PDE8B: variants seen among roughly 807,000 people sequenced by gnomAD.
PDE8B encodes the protein high affinity cAMP-specific and IBMX-insensitive 3',5'-cyclic phosphodiesterase 8B.
In PDE8B, 26 loss-of-function variants were observed where a neutral mutation model predicts 101.3. The ratio of observed to expected loss-of-function variants is 0.26; its 90% confidence interval spans 0.19 to 0.36. The LOEUF is 0.36. Among genes scored for constraint, PDE8B ranks in the 10% least tolerant of loss-of-function variants. The pLI, the probability that PDE8B is intolerant of heterozygous loss-of-function variation, is 1.00. For synonymous variants in PDE8B, 424 were observed against 429.3 expected (o/e 0.99, Z 0.15); for missense variants, 810 against 1,163.1 (o/e 0.70, Z 4.42).
chr5:77,421,382 G>T (rs1026342701), intron 19 of PDE8B, among the ~76,000 whole-genome samples: 1 of 152,156 alleles, frequency 6.6e-6, no homozygotes, highest in Non-Finnish European at 1.5e-5. Context: ...AGGGTTACAT[G>T]TATGTGCCAC....
chr5:77,097,464 T>A, the PDE8B span, among the ~76,000 whole-genome samples: 1 of 151,520 alleles, frequency 6.6e-6, no homozygotes, highest in Non-Finnish European at 1.5e-5. Context: ...AGACACAATA[T>A]GGATTGAAGT....
At chr5:77,119,055 A>G in the PDE8B span, 1 of 152,252 alleles carries the variant, frequency 6.6e-6, no homozygotes, top group Non-Finnish European at 1.5e-5. Flanking sequence ...CAACAGAGGA[A>G]GGACCAACAA....
intron 10 of PDE8B, among the ~76,000 whole-genome samples, chr5:77,370,749 GT>G (rs1262054671): frequency 6.6e-6 from 1 of 152,192 alleles, no homozygotes; most frequent in Non-Finnish European, 1.5e-5. Context: ...TCCCAAAGTA[GT>G]TTTTAGCATT....
At chr5:77,219,365 TGA>T (rs1375919580) in intron 1 of PDE8B, among the ~76,000 whole-genome samples, 1 of 152,234 alleles carries the variant, frequency 6.6e-6, no homozygotes, top group South Asian at 2.1e-4. Flanking sequence ...GTTGCCTGTG[TGA>T]GTCATAAAAC....
chr5:77,318,926 A>G (rs1313991978), intron 2 of PDE8B, among the ~76,000 whole-genome samples: 3 of 152,246 alleles, frequency 2.0e-5, no homozygotes, highest in Admixed American at 6.5e-5. Flanking sequence ...CGCTAGTAAT[A>G]ATGAACACCT....
the PDE8B span, among the ~76,000 whole-genome samples, chr5:77,124,859 G>T: frequency 6.6e-6 from 1 of 152,170 alleles, no homozygotes; most frequent in Admixed American, 6.5e-5. Context: ...CAGTGAGCTG[G>T]AGAACAATAT....
chr5:77,380,637 T>G (rs1191567830), intron 10 of PDE8B, among the ~76,000 whole-genome samples: 2 of 152,256 alleles, frequency 1.3e-5, no homozygotes, highest in Admixed American at 6.5e-5. Flanking sequence ...CAATCTCTTA[T>G]GGATTCATTT....
chr5:77,373,926 T>C (rs1785563245), intron 10 of PDE8B, among the ~76,000 whole-genome samples: 2 of 152,224 alleles, frequency 1.3e-5, no homozygotes, highest in Admixed American at 6.5e-5. Flanking sequence ...CTCAGCTCAC[T>C]GCAACCTCTG....
chr5:77,290,148 A>G, intron 1 of PDE8B: 4 of 1,308,344 alleles, frequency 3.1e-6, no homozygotes, highest in East Asian at 2.5e-5. Context: ...CGTGTGGAAA[A>G]TGAATTCCAA....
intron 1 of PDE8B, among the ~76,000 whole-genome samples, chr5:77,292,500 A>G (rs1328281963): frequency 6.6e-6 from 1 of 152,234 alleles, no homozygotes; most frequent in Non-Finnish European, 1.5e-5. Context: ...CTAGCAGGGT[A>G]TGAAACTACT....
chr5:77,293,499 A>C (rs1767844312), intron 1 of PDE8B, among the ~76,000 whole-genome samples: 1 of 152,278 alleles, frequency 6.6e-6, no homozygotes, highest in South Asian at 2.1e-4. Context: ...TATTTCAGTC[A>C]TATTTTCTGA....
intron 16 of PDE8B, among the ~76,000 whole-genome samples, chr5:77,412,793 G>A (rs1031077357): frequency 6.6e-6 from 1 of 152,060 alleles, no homozygotes; most frequent in Non-Finnish European, 1.5e-5. Flanking sequence ...TAAATAAAGT[G>A]CAAGGTTAAT....
chr5:77,176,689 G>T, the PDE8B span, among the ~76,000 whole-genome samples: 5 of 152,200 alleles, frequency 3.3e-5, no homozygotes, highest in African/African-American at 1.2e-4. Flanking sequence ...TGGAAGTGGT[G>T]GCTGGTTGAT....
At chr5:77,266,325 G>A (rs780083211) in intron 1 of PDE8B, among the ~76,000 whole-genome samples, 2 of 152,196 alleles carry the variant, frequency 1.3e-5, no homozygotes, top group Admixed American at 6.5e-5. Context: ...TACTATAAAT[G>A]TGTCCTTTTC....
chr5:77,391,088 C>T (rs1258758309), intron 10 of PDE8B, among the ~76,000 whole-genome samples: 1 of 152,214 alleles, frequency 6.6e-6, no homozygotes, highest in Non-Finnish European at 1.5e-5. Context: ...TGTATCTATT[C>T]TCCCAATGAG....
At chr5:77,238,502 A>G (rs556582712) in intron 1 of PDE8B, among the ~76,000 whole-genome samples, 3 of 152,296 alleles carry the variant, frequency 2.0e-5, no homozygotes, top group East Asian at 1.9e-4. Context: ...GGAATTTTTT[A>G]TAATAATTGC....
intron 1 of PDE8B, among the ~76,000 whole-genome samples, chr5:77,221,064 A>T (rs1458701304): frequency 6.6e-6 from 1 of 152,240 alleles, no homozygotes; most frequent in Non-Finnish European, 1.5e-5. Context: ...CAGATAGCTC[A>T]GTTGGTATCT....
At chr5:77,185,682 G>A in the PDE8B span, among the ~76,000 whole-genome samples, 11 of 152,060 alleles carry the variant, frequency 7.2e-5, no homozygotes, top group African/African-American at 2.2e-4. Flanking sequence ...GCCATGTTAT[G>A]GAGTCATCTT....
the PDE8B span, among the ~76,000 whole-genome samples, chr5:77,136,079 C>G: frequency 6.6e-6 from 1 of 152,132 alleles, no homozygotes; most frequent in African/African-American, 2.4e-5. Context: ...TTCAACTTTT[C>G]TAGCAACTTT....
Sources: gnomAD v4.1 joint callset for allele counts (sites outside exome capture counted in the v4.1 genomes callset) on GRCh38, gnomAD v4.1.1 for gene constraint, MANE v1.5 for transcripts, NCBI Gene and HGNC (gene_info 2026-07-23, HGNC 2026-07-21) for gene names.